EPHB1: variants seen among roughly 807,000 people sequenced by gnomAD.
The protein encoded by EPHB1 is EPH receptor B1, also known as ephrin type-B receptor 1.
In EPHB1, 30 loss-of-function variants were observed where a neutral mutation model predicts 94.4. The ratio of observed to expected loss-of-function variants is 0.32; its 90% confidence interval spans 0.24 to 0.43. EPHB1 has a LOEUF of 0.43. Ranked by LOEUF, EPHB1 falls within the 20% of genes least tolerant of loss-of-function variation. The pLI is 1.00. For synonymous variants in EPHB1, 522 were observed against 489.1 expected (o/e 1.07, Z -0.89); for missense variants, 1,055 against 1,308.3 (o/e 0.81, Z 2.99).
chr3:134,800,536 G>C (rs907209637), intron 1 of EPHB1, among the ~76,000 whole-genome samples: 1 of 152,106 alleles, frequency 6.6e-6, no homozygotes, highest in Non-Finnish European at 1.5e-5. Flanking sequence ...AACCCTAAAA[G>C]CTCAGCAGGT....
intron 1 of EPHB1, among the ~76,000 whole-genome samples, chr3:134,866,951 T>C (rs2037392705): frequency 6.6e-6 from 1 of 152,152 alleles, no homozygotes; most frequent in Non-Finnish European, 1.5e-5. Context: ...CTTTGTTAAG[T>C]AGGAATCTGA....
rs1389207071 is a variant in EPHB1, at chr3:135,053,025, G to GTATATATATATATATA, written c.806-53422_806-53421insATATATATATATATAT. Among the ~76,000 whole-genome samples, 75 of 90,604 alleles carry GTATATATATATATATA rather than the reference G, an allele frequency of 8.3e-4. 2 individuals carry two copies. The highest frequency in any genetic ancestry group is 1.9e-3 in the African/African-American group (37 of 19,388). The allele number at this position is 90,604 out of a possible 152,430, so 59.4% of individuals were successfully genotyped here. A position where few individuals can be genotyped will look rare whatever the true frequency, so the allele number is the denominator to read the frequency against. ...TGTGTGTATATATATGTGTGTGTGT[G>GTATATATATATATATA]TGTATATATATATATATATATATAT... On this transcript the variant is annotated intron_variant, in intron 3 of 15. Coordinates refer to ENST00000398015, the MANE Select transcript of EPHB1 (RefSeq NM_004441.5).
At chr3:134,848,661 G>A (rs756162079) in intron 1 of EPHB1, among the ~76,000 whole-genome samples, 6 of 152,200 alleles carry the variant, frequency 3.9e-5, no homozygotes, top group Non-Finnish European at 7.3e-5. Context: ...TAGAGACTTT[G>A]CGGGAGCCGT....
intron 10 of EPHB1, among the ~76,000 whole-genome samples, chr3:135,186,620 T>C (rs560471825): frequency 1.0e-3 from 155 of 150,578 alleles, no homozygotes; most frequent in Middle Eastern, 3.4e-3. Context: ...GTGTGTAGAT[T>C]TGAGCTGTGC....
At chr3:135,071,066 C>T (rs903843820) in intron 3 of EPHB1, among the ~76,000 whole-genome samples, 5 of 152,200 alleles carry the variant, frequency 3.3e-5, no homozygotes, top group African/African-American at 7.2e-5. Flanking sequence ...AAACTATCCT[C>T]AAATACTGTC....
intron 1 of EPHB1, among the ~76,000 whole-genome samples, chr3:134,892,235 G>A (rs375922172): frequency 2.0e-5 from 3 of 152,336 alleles, no homozygotes; most frequent in East Asian, 1.9e-4. Context: ...GTCCTTGCCA[G>A]GGGTGTGGGC....
chr3:135,115,863 G>A (rs143646861), intron 4 of EPHB1, among the ~76,000 whole-genome samples: 140 of 152,176 alleles, frequency 9.2e-4, no homozygotes, highest in African/African-American at 3.3e-3. Flanking sequence ...TCTTTGTTTG[G>A]GTTTTTATGA....
At chr3:135,233,254 G>T (rs374878760) in intron 12 of EPHB1, among the ~76,000 whole-genome samples, 39 of 152,360 alleles carry the variant, frequency 2.6e-4, no homozygotes, top group African/African-American at 9.4e-4. Flanking sequence ...AGTTACAATG[G>T]GGGTACAGGC....
chr3:135,097,338 A>G (rs1938841468), intron 3 of EPHB1, among the ~76,000 whole-genome samples: 1 of 151,700 alleles, frequency 6.6e-6, no homozygotes, highest in South Asian at 2.1e-4. Context: ...CCAGGCCTGG[A>G]CTCTCTTCTG....
intron 3 of EPHB1, among the ~76,000 whole-genome samples, chr3:135,061,446 T>C (rs1010879575): frequency 1.8e-4 from 26 of 146,908 alleles, no homozygotes; most frequent in African/African-American, 6.2e-4. Context: ...CTCCCACTTA[T>C]GAGTGAGAAC....
chr3:134,890,059 A>T (rs929285013), intron 1 of EPHB1, among the ~76,000 whole-genome samples: 6 of 152,164 alleles, frequency 3.9e-5, no homozygotes, highest in African/African-American at 1.4e-4. Context: ...TACCACCCAG[A>T]TTCTGAAATA....
chr3:135,107,656 A>G (rs1198385125), intron 4 of EPHB1, among the ~76,000 whole-genome samples: 1 of 152,166 alleles, frequency 6.6e-6, no homozygotes, highest in Admixed American at 6.5e-5. Flanking sequence ...TTTCTGTTTG[A>G]TGAACAGAAA....
Position 135,258,418 on chromosome 3 carries a change from C to T in EPHB1, c.2847-594C>T, listed in dbSNP as rs116425806. Among the ~76,000 whole-genome samples the T allele has an allele frequency of 8.3e-3, 1,263 of 152,300 alleles. 16 individuals carry two copies. The highest frequency in any genetic ancestry group is 0.028 in the African/African-American group (1,158 of 41,556). ...GCACAGGTCAACTATAAGCCATGAA[C>T]TTGTTCTTATTAATCCAATTCAGTG... On this transcript the variant is annotated intron_variant, in intron 15 of 15. Coordinates refer to ENST00000398015, the MANE Select transcript of EPHB1 (RefSeq NM_004441.5).
intron 2 of EPHB1, among the ~76,000 whole-genome samples, chr3:134,935,309 G>T (rs1328420765): frequency 6.6e-6 from 1 of 152,222 alleles, no homozygotes; most frequent in East Asian, 1.9e-4. Context: ...AACAGGCGAA[G>T]AAGGGAGGGT....
chr3:135,243,550 T>C (rs547787509), intron 13 of EPHB1, among the ~76,000 whole-genome samples: 1 of 152,304 alleles, frequency 6.6e-6, no homozygotes, highest in African/African-American at 2.4e-5. Context: ...TTGCTCCTCG[T>C]GGGAGGCAAG....
At chr3:135,156,448 C>T (rs1941358099) in intron 6 of EPHB1, among the ~76,000 whole-genome samples, 1 of 152,186 alleles carries the variant, frequency 6.6e-6, no homozygotes, top group South Asian at 2.1e-4. Flanking sequence ...CCCTCGTTTC[C>T]AGTGCCCTGT....
intron 4 of EPHB1, among the ~76,000 whole-genome samples, chr3:135,108,840 G>T (rs1045024832): frequency 1.3e-5 from 2 of 152,182 alleles, no homozygotes; most frequent in African/African-American, 4.8e-5. Context: ...GAGCTTAGGG[G>T]ATAGCTAGAG....
intron 5 of EPHB1, among the ~76,000 whole-genome samples, chr3:135,133,635 T>C (rs1940506796): frequency 6.6e-6 from 1 of 151,954 alleles, no homozygotes; most frequent in African/African-American, 2.4e-5. Flanking sequence ...CCTTTATAGC[T>C]TGCTCTGATG....
At position 135,082,862 on chromosome 3, in the gene EPHB1, G is replaced by A. The variant is rs188110511; in HGVS notation, c.806-23586G>A. Among the ~76,000 whole-genome samples the A allele has an allele frequency of 5.3e-3, 808 of 152,316 alleles. 5 individuals carry two copies. The highest frequency in any genetic ancestry group is 0.017 in the African/African-American group (695 of 41,568). On this transcript the variant is annotated intron_variant, in intron 3 of 15. Transcript: ENST00000398015. ...CAGGCTGATTCATAGAGTACTGGGG[G>A]CAGGGAGCAGTTTTGCAGGGGAGGC...
Sources: gnomAD v4.1 joint callset for allele counts (sites outside exome capture counted in the v4.1 genomes callset) on GRCh38, gnomAD v4.1.1 for gene constraint, MANE v1.5 for transcripts, NCBI Gene and HGNC (gene_info 2026-07-23, HGNC 2026-07-21) for gene names.